ZNF831: variants seen among roughly 807,000 people sequenced by gnomAD.
ZNF831 encodes chromosome 20 open reading frame 174.
A neutral mutation model predicts 95.8 loss-of-function variants in ZNF831; 59 were observed. That is an observed-to-expected ratio of 0.62 (90% CI 0.50 to 0.77). ZNF831 has a LOEUF of 0.77. Among genes scored for constraint, ZNF831 ranks in the 30% least tolerant of loss-of-function variants. The pLI, the probability that ZNF831 is intolerant of heterozygous loss-of-function variation, is 0.00. For synonymous variants in ZNF831, 961 were observed against 925.5 expected (o/e 1.04, Z -0.70); for missense variants, 2,205 against 2,164.0 (o/e 1.02, Z -0.38).
At chr20:59,139,501 A>G (rs1979609794) in intron 1 of ZNF831, among the ~76,000 whole-genome samples, 1 of 152,152 alleles carries the variant, frequency 6.6e-6, no homozygotes, top group Non-Finnish European at 1.5e-5. Flanking sequence ...TCAGGCCATG[A>G]CACAGGTGAA....
rs1200402325 is a variant in ZNF831 at position 59,230,015 on chromosome 20, G to T, written c.4027+22959G>T. 2.6e-5 allele frequency among the ~76,000 whole-genome samples: 4 copies of T among 152,120 alleles called. No homozygotes were observed. In the East Asian group the frequency reaches 7.7e-4, roughly 29 times the overall value. Reference sequence around the variant, plus strand: ...GAAAGAAAGGGGAGAATGAGGGTAGGTTGACATCTCACAGTGTCTTCCCCC... The same window carrying T: ...GAAAGAAAGGGGAGAATGAGGGTAGTTTGACATCTCACAGTGTCTTCCCCC... On this transcript the variant is annotated intron_variant, in intron 4 of 5. Transcript: ENST00000371030.
In ZNF831 at chr20:59,254,533, A is replaced by G. The variant is rs754058594; in HGVS notation, c.4824A>G (p.Leu1608=). Residue 1608 remains leucine (L), a synonymous_variant, in exon 6 of 6, where the codon TTA becomes TTG. Transcript: ENST00000371030. The surrounding 1 kb of genome is among the most constrained non-coding windows in gnomAD (Gnocchi z 4.5). ...AAATGACTGTCCCCTGCCCCTCTTTAGGAAGTGACGGTAGGAAACGTCAGG... is the reference window on the plus strand; with the variant it reads ...AAATGACTGTCCCCTGCCCCTCTTTGGGAAGTGACGGTAGGAAACGTCAGG... ...CGEMTVPCPS[L]GSDGRKRQVS... The G allele has an allele frequency of 6.2e-7, 1 of 1,614,072 alleles. No homozygotes were observed. Among genetic ancestry groups the G allele is most frequent in the East Asian group, 2.2e-5 (1 of 44,864 alleles).
intron 4 of ZNF831, among the ~76,000 whole-genome samples, chr20:59,240,213 C>T (rs1169494715): frequency 1.3e-5 from 2 of 152,018 alleles, no homozygotes; most frequent in African/African-American, 4.8e-5. Flanking sequence ...TTCTCCACCC[C>T]TTCTGCAGTT....
rs139997251 is a variant in ZNF831, at chr20:59,210,551, T to C, written c.4027+3495T>C. ...CAGTTCCCAACGTGTTCCATGGAAGTTGGCACCCCTGCCTCATCTGCAGCT... is the reference window on the plus strand; with the variant it reads ...CAGTTCCCAACGTGTTCCATGGAAGCTGGCACCCCTGCCTCATCTGCAGCT... On this transcript the variant is annotated intron_variant, in intron 4 of 5. Coordinates refer to ENST00000371030, the MANE Select transcript of ZNF831 (RefSeq NM_178457.3). Among the ~76,000 whole-genome samples the C allele has an allele frequency of 3.9e-3, 588 of 152,270 alleles. 6 individuals are homozygous for C. The highest frequency in any genetic ancestry group is 0.014 in the African/African-American group (569 of 41,548).
intron 4 of ZNF831, among the ~76,000 whole-genome samples, chr20:59,244,560 A>G (rs558659667): frequency 1.3e-5 from 2 of 152,330 alleles, no homozygotes; most frequent in South Asian, 4.1e-4. Flanking sequence ...TTGTTGCAAA[A>G]AAGAAAGTAG....
At chr20:59,128,485 C>T (rs1979248207) in intron 1 of ZNF831, among the ~76,000 whole-genome samples, 2 of 152,198 alleles carry the variant, frequency 1.3e-5, no homozygotes, top group Admixed American at 6.5e-5. Flanking sequence ...CACAGGAGAC[C>T]TGGGGGACAG....
upstream of ZNF831, chr20:59,160,724 A>G (rs1187897604): frequency 1.3e-5 from 2 of 151,936 alleles, no homozygotes; most frequent in East Asian, 3.9e-4. Flanking sequence ...GGCATGGCCA[A>G]TGAGAGAGTT....
At chr20:59,144,060 G>A (rs748764271) in intron 1 of ZNF831, among the ~76,000 whole-genome samples, 7 of 152,288 alleles carry the variant, frequency 4.6e-5, no homozygotes, top group Non-Finnish European at 1.0e-4. Context: ...TAAGCAAGAG[G>A]AGGCATTTTG....
At chr20:59,196,348 T>G (rs1856397066) in intron 3 of ZNF831, among the ~76,000 whole-genome samples, 1 of 152,200 alleles carries the variant, frequency 6.6e-6, no homozygotes. Flanking sequence ...GCAGAAAAAT[T>G]TGACAATACA....
intron 4 of ZNF831, among the ~76,000 whole-genome samples, chr20:59,216,476 G>C (rs1374479525): frequency 1.3e-5 from 2 of 152,212 alleles, no homozygotes; most frequent in African/African-American, 2.4e-5. Context: ...GGAGTGCAGT[G>C]GCGTGATCTC....
intron 4 of ZNF831, among the ~76,000 whole-genome samples, chr20:59,246,911 C>T (rs1372472228): frequency 6.6e-6 from 1 of 152,174 alleles, no homozygotes; most frequent in South Asian, 2.1e-4. Context: ...CACTGCTCAC[C>T]GCCCACTGAC....
intron 4 of ZNF831, among the ~76,000 whole-genome samples, chr20:59,225,211 C>T (rs895327546): frequency 4.6e-5 from 7 of 152,162 alleles, no homozygotes; most frequent in African/African-American, 1.4e-4. Context: ...AGAAAACCCA[C>T]TTAACGTGGT....
chr20:59,243,036 A>G (rs1987415586), intron 4 of ZNF831, among the ~76,000 whole-genome samples: 1 of 152,234 alleles, frequency 6.6e-6, no homozygotes, highest in Non-Finnish European at 1.5e-5. Context: ...ACAAGTACAT[A>G]GAATAGAGCT....
At chr20:59,251,215 G>A (rs1056434394) in intron 4 of ZNF831, among the ~76,000 whole-genome samples, 3 of 152,166 alleles carry the variant, frequency 2.0e-5, no homozygotes, top group Admixed American at 1.3e-4. Context: ...AAAACCTGAG[G>A]ACATGATTCA....
chr20:59,215,112 C>T (rs1352634992), intron 4 of ZNF831, among the ~76,000 whole-genome samples: 2 of 152,218 alleles, frequency 1.3e-5, no homozygotes, highest in African/African-American at 2.4e-5. Flanking sequence ...TACTCGAATG[C>T]TTGGGTACAT....
upstream of ZNF831, among the ~76,000 whole-genome samples, chr20:59,162,898 T>A (rs116936572): frequency 0.015 from 2,290 of 152,292 alleles, 22 homozygotes; most frequent in Non-Finnish European, 0.024. Flanking sequence ...TTTAATGATA[T>A]TGAGTCTTAT....
At chr20:59,222,778 G>A (rs1261054437) in intron 4 of ZNF831, among the ~76,000 whole-genome samples, 1 of 152,182 alleles carries the variant, frequency 6.6e-6, no homozygotes, top group Non-Finnish European at 1.5e-5. Context: ...GGAGGCGGGC[G>A]GACCCCAGAC....
intron 1 of ZNF831, among the ~76,000 whole-genome samples, chr20:59,128,668 G>A (rs1287184042): frequency 6.6e-6 from 1 of 152,244 alleles, no homozygotes; most frequent in Non-Finnish European, 1.5e-5. Context: ...GCTGGGGATG[G>A]CAGAGGCAGT....
chr20:59,146,280 G>A (rs1032023487), exon 2 of ZNF831: 3 of 152,158 alleles, frequency 2.0e-5, no homozygotes, highest in Non-Finnish European at 2.9e-5. Flanking sequence ...AGGCAGAGAT[G>A]GGACGAGCAG....
Sources: gnomAD v4.1 joint callset for allele counts (sites outside exome capture counted in the v4.1 genomes callset) on GRCh38, gnomAD v4.1.1 for gene constraint, Gnocchi (gnomAD v3.1) non-coding constraint, MANE v1.5 for transcripts, NCBI Gene and HGNC (gene_info 2026-07-23, HGNC 2026-07-21) for gene names.